Variants in VPS13C observed in about 807,000 individuals in gnomAD.
VPS13C encodes intermembrane lipid transfer protein VPS13C.
In VPS13C, 358 loss-of-function variants were observed where a neutral mutation model predicts 456.8. That is an observed-to-expected ratio of 0.78 (90% CI 0.72 to 0.86). VPS13C has a LOEUF of 0.86. Among genes scored for constraint, VPS13C ranks in the 40% least tolerant of loss-of-function variants. The pLI is 0.00. For missense variants in VPS13C, 4,818 were observed against 4,385.4 expected (o/e 1.10, Z -2.79); for synonymous variants, 1,578 against 1,486.7 (o/e 1.06, Z -1.41).
chr15:62,033,591 A>G (rs2047890020), intron 4 of VPS13C, 49 bp from the exon 5 acceptor site: 1 of 1,344,634 alleles, frequency 7.4e-7, no homozygotes, highest in East Asian at 2.5e-5. Flanking sequence ...ATTAATAAAT[A>G]AACAAACGGA....
At chr15:61,967,695 A>C (rs1015390192) in intron 28 of VPS13C, among the ~76,000 whole-genome samples, 1 of 151,084 alleles carries the variant, frequency 6.6e-6, no homozygotes, top group Non-Finnish European at 1.5e-5. Flanking sequence ...TGACTTCTAA[A>C]ATTCTGACAA....
chr15:62,018,084 G>A (rs1414156398), intron 9 of VPS13C, among the ~76,000 whole-genome samples: 55 of 151,172 alleles, frequency 3.6e-4, no homozygotes, highest in African/African-American at 1.2e-3. Flanking sequence ...TTGGCTCTCC[G>A]TTTGTCTGTT....
intron 37 of VPS13C, among the ~76,000 whole-genome samples, chr15:61,957,327 G>A (rs1418404405): frequency 6.6e-6 from 1 of 152,082 alleles, no homozygotes; most frequent in Non-Finnish European, 1.5e-5. Context: ...GGTACTGACT[G>A]AGAAAGGGCA....
rs867020742 is a variant in VPS13C at position 61,852,599 on chromosome 15, A to G, written c.*1858T>C. ...GACATTGTCAACAGCTGTGATTCATATGAAAAATATAATCAGATATCTCAA... is the reference window on the plus strand; with the variant it reads ...GACATTGTCAACAGCTGTGATTCATGTGAAAAATATAATCAGATATCTCAA... On this transcript the variant is annotated 3_prime_UTR_variant, in exon 85 of 85. Transcript: ENST00000644861. The G allele has an allele frequency of 8.5e-5, 13 of 152,220 alleles. No individual in the cohort carries two copies. The highest frequency in any genetic ancestry group is 3.2e-3 in the Middle Eastern group (1 of 316). The allele number at this position is 152,220 out of a possible 1,614,324, so 9.4% of individuals were successfully genotyped here.
intron 27 of VPS13C, 143 bp downstream of exon 27, chr15:61,972,482 G>T: frequency 1.5e-6 from 1 of 672,320 alleles, no homozygotes; most frequent in Non-Finnish European, 2.4e-6. Flanking sequence ...GTGTGTGAGA[G>T]TGTGTATGTG....
At chr15:61,979,525 C>T (rs987456059) in intron 22 of VPS13C, among the ~76,000 whole-genome samples, 2 of 151,978 alleles carry the variant, frequency 1.3e-5, no homozygotes, top group African/African-American at 4.8e-5. Context: ...GGAACAGTGC[C>T]CCAAAGAAAT....
intron 6 of VPS13C, among the ~76,000 whole-genome samples, chr15:62,027,804 A>G (rs2047686456): frequency 6.6e-6 from 1 of 152,090 alleles, no homozygotes; most frequent in East Asian, 1.9e-4. Context: ...TATAAACAGT[A>G]AGACTTTAAT....
At chr15:61,949,956 G>T (rs1156568052) in intron 41 of VPS13C, among the ~76,000 whole-genome samples, 1 of 152,172 alleles carries the variant, frequency 6.6e-6, no homozygotes, top group African/African-American at 2.4e-5. Flanking sequence ...GGTAATGCTT[G>T]TATGTAATGT....
rs576533509 is a variant in VPS13C, at chr15:61,943,999, A to C, written c.5148+1716T>G. Among the ~76,000 whole-genome samples, 186 of 152,246 alleles carry C rather than the reference A, an allele frequency of 1.2e-3. 1 individual carries two copies. The South Asian group carries it at 0.018, about 15-fold the overall frequency. ...CAAAAGACATGAACAGACACTTCTC[A>C]AAAGAAGACATACAAGGAGCCAACA... On this transcript the variant is annotated intron_variant, in intron 45 of 84. Transcript: ENST00000644861.
At chr15:61,992,470 C>G (rs1288277918) in intron 16 of VPS13C, among the ~76,000 whole-genome samples, 1 of 152,092 alleles carries the variant, frequency 6.6e-6, no homozygotes, top group African/African-American at 2.4e-5. Context: ...AATTTTTCCA[C>G]TTAAAGTATT....
chr15:61,982,965 T>C (rs1039567496), intron 20 of VPS13C, among the ~76,000 whole-genome samples: 1 of 152,192 alleles, frequency 6.6e-6, no homozygotes, highest in East Asian at 1.9e-4. Context: ...AGCTCTTACC[T>C]ACATGCCAAA....
chr15:62,043,365 G>T (rs1462966620), intron 2 of VPS13C, among the ~76,000 whole-genome samples: 1 of 152,156 alleles, frequency 6.6e-6, no homozygotes, highest in Non-Finnish European at 1.5e-5. Flanking sequence ...CAACACTTTG[G>T]GAGGCCAAGG....
chr15:61,929,896 T>G (rs1407788982), intron 50 of VPS13C, 148 bp from the exon 51 acceptor site: 3 of 788,462 alleles, frequency 3.8e-6, no homozygotes, highest in Non-Finnish European at 5.8e-6. Context: ...GAATCTAATT[T>G]ATCCATTAGT....
At chr15:61,876,503 C>T (rs1359448661) in intron 75 of VPS13C, among the ~76,000 whole-genome samples, 1 of 151,672 alleles carries the variant, frequency 6.6e-6, no homozygotes, top group Non-Finnish European at 1.5e-5. Flanking sequence ...AAGAATATTC[C>T]AGCAGTGGAA....
chr15:62,001,734 G>A (rs143280779), intron 15 of VPS13C, among the ~76,000 whole-genome samples: 314 of 152,068 alleles, frequency 2.1e-3, no homozygotes, highest in African/African-American at 7.0e-3. Flanking sequence ...TGTTCTCATT[G>A]TTCAGTTCCC....
chr15:62,043,443 T>C (rs1168791858), intron 2 of VPS13C, among the ~76,000 whole-genome samples: 2 of 152,034 alleles, frequency 1.3e-5, no homozygotes, highest in South Asian at 2.1e-4. Context: ...CAACCTCTAC[T>C]AAAAATACAA....
At chr15:61,994,034 C>T (rs2046302797) in intron 16 of VPS13C, among the ~76,000 whole-genome samples, 1 of 151,958 alleles carries the variant, frequency 6.6e-6, no homozygotes, top group Non-Finnish European at 1.5e-5. Context: ...GGATGCAGAG[C>T]GCTTTCCCTT....
intron 1 of VPS13C, among the ~76,000 whole-genome samples, chr15:62,056,398 A>G (rs2048800641): frequency 6.6e-6 from 1 of 152,256 alleles, no homozygotes; most frequent in Non-Finnish European, 1.5e-5. Context: ...AGGTGTGACC[A>G]GAAGACAAGA....
intron 27 of VPS13C, among the ~76,000 whole-genome samples, chr15:61,971,152 C>A (rs1450747253): frequency 2.6e-5 from 4 of 152,156 alleles, no homozygotes; most frequent in Non-Finnish European, 5.9e-5. Flanking sequence ...AATGTAAGGC[C>A]TTGTAGGCCA....
Sources: allele counts gnomAD v4.1 joint callset (sites outside exome capture counted in the v4.1 genomes callset), GRCh38; gene constraint gnomAD v4.1.1; transcripts MANE v1.5; gene names NCBI Gene and HGNC (gene_info 2026-07-23, HGNC 2026-07-21).